NFX1: variants seen among roughly 807,000 people sequenced by gnomAD.
The protein encoded by NFX1 is nuclear transcription factor, X-box binding 1, also known as transcriptional repressor NF-X1.
NFX1 carries 69 observed loss-of-function variants against 137.2 expected under a neutral mutation model. The observed-to-expected ratio is 0.50, with a 90% CI of 0.41 to 0.61. The LOEUF (loss-of-function observed/expected upper bound fraction) is 0.61. NFX1 is among the 20% of genes least tolerant of loss of function. NFX1 has a pLI of 0.00. For synonymous variants in NFX1, 495 were observed against 474.1 expected, an observed-to-expected ratio of 1.04 and a Z score of -0.57; for missense variants, 1,167 against 1,391.0, an observed-to-expected ratio of 0.84 and a Z score of 2.56.
At chr9:33,357,933 TG>T (rs1823865731) in intron 19 of NFX1, among the ~76,000 whole-genome samples, 1 of 152,136 alleles carries the variant, frequency 6.6e-6, no homozygotes, top group Non-Finnish European at 1.5e-5. Flanking sequence ...GTATTTAACT[TG>T]TAGGTCAATT....
At chr9:33,363,263 G>GTATTATTAT (rs60988084) in intron 19 of NFX1, among the ~76,000 whole-genome samples, 2,103 of 144,794 alleles carry the variant, frequency 0.015, 47 homozygotes, top group African/African-American at 0.044. Flanking sequence ...ATAAAGAAAT[G>GTATTATTAT]TATTATTATT....
At chr9:33,320,707 G>A (rs895689136) in intron 9 of NFX1, among the ~76,000 whole-genome samples, 1 of 152,178 alleles carries the variant, frequency 6.6e-6, no homozygotes, top group Non-Finnish European at 1.5e-5. Context: ...TCCTGAGTGG[G>A]TGTTGAAAGG....
In NFX1 at chr9:33,342,743, C is replaced by T; in HGVS notation, c.2116-3C>T. 1 of 1,594,518 alleles carries T rather than the reference C, an allele frequency of 6.3e-7. No individual in the cohort carries two copies. ...ATGAACAAATATAAATCTCTTTTCC[C>T]AGGATAAGGAGCACAAGTGTCCTTT... On this transcript the variant is annotated splice_polypyrimidine_tract_variant and splice_region_variant and intron_variant, in intron 12 of 23. Transcript: ENST00000379540.
chr9:33,364,338 G>T (rs1824105695), intron 20 of NFX1, among the ~76,000 whole-genome samples: 1 of 152,162 alleles, frequency 6.6e-6, no homozygotes, highest in East Asian at 1.9e-4. Flanking sequence ...GTTTGGGTGG[G>T]GTGGTGGTAA....
At chr9:33,327,559 G>A (rs1564123196) in intron 9 of NFX1, among the ~76,000 whole-genome samples, 1 of 151,574 alleles carries the variant, frequency 6.6e-6, no homozygotes, top group African/African-American at 2.4e-5. Flanking sequence ...TAGAGACAGG[G>A]TTTCACCATG....
In NFX1 at chr9:33,337,465, G is replaced by A. The variant is rs559844056; in HGVS notation, c.2036-1045G>A. ...AGTCCCCCATGGACTCCAAAAGTTT[G>A]TACACCCATCTACTAAGATGAGCAT... is the stretch of plus-strand genomic sequence containing the variant. On this transcript the variant is annotated intron_variant, in intron 11 of 23. Transcript: ENST00000379540. Among the ~76,000 whole-genome samples, 3 of 152,258 alleles carry A rather than the reference G, an allele frequency of 2.0e-5. No individual in the cohort carries two copies. In the East Asian group the frequency reaches 5.8e-4, roughly 29 times the overall value.
At chr9:33,366,232 C>G (rs1406273171) in intron 21 of NFX1, among the ~76,000 whole-genome samples, 2 of 152,128 alleles carry the variant, frequency 1.3e-5, no homozygotes, top group Non-Finnish European at 2.9e-5. Flanking sequence ...TCTGAATACT[C>G]ACGATTTTTA....
chr9:33,303,374 C>A lies in NFX1; in HGVS notation c.1270+106C>A, dbSNP rs554831043. 19 of 918,156 alleles carry A rather than the reference C, an allele frequency of 2.1e-5. No individual in the cohort carries two copies. In the East Asian group the frequency reaches 4.7e-4, roughly 22 times the overall value. 56.9% of individuals were successfully genotyped at this position (918,156 alleles called of 1,614,324 possible). ...GTTTTAGAAGTTACTAATGAGACTT[C>A]AAAGCTCTAGGAGTCTATAAGACTG... On this transcript the variant is annotated intron_variant, in intron 4 of 23. Transcript: ENST00000379540.
chr9:33,302,329 C>T (rs1489762860), intron 3 of NFX1, among the ~76,000 whole-genome samples: 13 of 149,526 alleles, frequency 8.7e-5, no homozygotes, highest in African/African-American at 2.5e-4. Flanking sequence ...CTACTAAACA[C>T]TAGATCTTAT....
rs538279926 is a variant in NFX1, at chr9:33,303,332, G to A, written c.1270+64G>A. Reference sequence around the variant, plus strand: ...ATACATTGTACCTCAGTTCAGGAAAGGTGGTCTGCGGGGCATGTTTTAGAA... The same window carrying A: ...ATACATTGTACCTCAGTTCAGGAAAAGTGGTCTGCGGGGCATGTTTTAGAA... On this transcript the variant is annotated intron_variant, in intron 4 of 23. Coordinates refer to ENST00000379540, the MANE Select transcript of NFX1 (RefSeq NM_002504.6). 2.2e-6 allele frequency: 3 copies of A among 1,378,582 alleles called. No individual in the cohort carries two copies. The South Asian group carries it at 3.5e-5, about 16-fold the overall frequency. The allele number at this position is 1,378,582 out of a possible 1,614,324, so 85.4% of individuals were successfully genotyped here.
chr9:33,313,528 G>A, intron 6 of NFX1, 126 bp from the exon 7 acceptor site: 3 of 799,450 alleles, frequency 3.8e-6, no homozygotes, highest in Non-Finnish European at 4.0e-6. Flanking sequence ...AGGAAAAAGT[G>A]AGGGAAATGA....
At chr9:33,336,837 C>T (rs1298070213) in intron 11 of NFX1, among the ~76,000 whole-genome samples, 3 of 152,134 alleles carry the variant, frequency 2.0e-5, no homozygotes, top group African/African-American at 7.2e-5. Context: ...CGCAGTAGCT[C>T]ACGCCTGTAA....
intron 18 of NFX1, 93 bp from the exon 19 acceptor site, chr9:33,354,758 T>C: frequency 8.3e-7 from 1 of 1,211,648 alleles, no homozygotes; most frequent in Non-Finnish European, 1.1e-6. Flanking sequence ...GAGTCAGCTG[T>C]GCTTCCAGGT....
At chr9:33,316,404 A>G (rs1429496407) in intron 7 of NFX1, among the ~76,000 whole-genome samples, 1 of 151,666 alleles carries the variant, frequency 6.6e-6, no homozygotes, top group Non-Finnish European at 1.5e-5. Context: ...ACAGATGCAC[A>G]CCACCATGCC....
intron 1 of NFX1, among the ~76,000 whole-genome samples, chr9:33,293,371 C>T (rs1821230061): frequency 6.6e-6 from 1 of 152,200 alleles, no homozygotes; most frequent in Non-Finnish European, 1.5e-5. Context: ...AATGCTCAAG[C>T]CTGTGTGTTT....
chr9:33,367,375 A>G, intron 22 of NFX1, 140 bp from the exon 23 acceptor site: 1 of 745,138 alleles, frequency 1.3e-6, no homozygotes, highest in South Asian at 1.6e-5. Context: ...GCAGGTGGCC[A>G]TGTCTGAGAG....
At chr9:33,296,693 C>T (rs1821367457) in intron 2 of NFX1, among the ~76,000 whole-genome samples, 1 of 152,242 alleles carries the variant, frequency 6.6e-6, no homozygotes, top group South Asian at 2.1e-4. Flanking sequence ...TATTGTACTC[C>T]AGCCTGGATA....
intron 17 of NFX1, chr9:33,353,003 A>G: frequency 6.2e-6 from 2 of 325,024 alleles, no homozygotes; most frequent in Non-Finnish European, 5.7e-6. Flanking sequence ...TTGGCCTCCC[A>G]AAGTGCTGGG....
intron 12 of NFX1, among the ~76,000 whole-genome samples, chr9:33,341,754 AC>A (rs1204173962): frequency 6.6e-6 from 1 of 152,094 alleles, no homozygotes. Context: ...ACATGGTAAA[AC>A]CCCATCTCTG....
Sources: allele counts gnomAD v4.1 joint callset (sites outside exome capture counted in the v4.1 genomes callset), GRCh38; gene constraint gnomAD v4.1.1; transcripts MANE v1.5; gene names NCBI Gene and HGNC (gene_info 2026-07-23, HGNC 2026-07-21).